The following DDX42 variants were observed in gnomAD, a reference collection of about 807,000 sequenced individuals.
DDX42 encodes the protein ATP-dependent RNA helicase DDX42.
Under a neutral mutation model 101.5 loss-of-function variants are expected in DDX42, and 22 were observed. The ratio of observed to expected loss-of-function variants is 0.22; its 90% confidence interval spans 0.15 to 0.31. The LOEUF (loss-of-function observed/expected upper bound fraction) is 0.31. Ranked by LOEUF, DDX42 falls within the 10% of genes least tolerant of loss-of-function variation. The pLI is 1.00. For synonymous variants in DDX42, 402 were observed against 401.2 expected (o/e 1.00, Z -0.02); for missense variants, 849 against 1,199.9 (o/e 0.71, Z 4.32).
chr17:63,776,066 C>A (rs929958158), intron 1 of DDX42: 4 of 152,268 alleles, frequency 2.6e-5, no homozygotes, highest in African/African-American at 9.6e-5. Context: ...GAGGTACTCT[C>A]AAAGTATATG....
At chr17:63,800,162 G>T in intron 5 of DDX42, 1 of 281,420 alleles carries the variant, frequency 3.6e-6, no homozygotes, top group Non-Finnish European at 6.6e-6. Flanking sequence ...GCCACAGCAT[G>T]TGTTCTATGG....
chr17:63,806,851 G>A (rs577360742), intron 8 of DDX42, among the ~76,000 whole-genome samples, 197 bp downstream of exon 8: 1 of 152,138 alleles, frequency 6.6e-6, no homozygotes, highest in African/African-American at 2.4e-5. Flanking sequence ...TTGAAAATAT[G>A]ATATGAAGAA....
At position 63,798,103 on chromosome 17, in the gene DDX42, A is replaced by G. The variant is rs759526274; in HGVS notation, c.434+4A>G. 17 of 1,613,116 alleles carry G rather than the reference A, an allele frequency of 1.1e-5. No homozygotes were observed. In the South Asian group the frequency reaches 1.6e-4, roughly 16 times the overall value. On this transcript the variant is annotated splice_donor_region_variant and intron_variant, in intron 4 of 17. Coordinates refer to ENST00000389924, the MANE Select transcript of DDX42 (RefSeq NM_203499.3). ...ACAAGGAAAGAAAAAACGTAAAGTA[A>G]GTTGTTTTCTTCTCCCTCACAAAGG...
chr17:63,791,748 TC>T (rs1265997365), intron 2 of DDX42, among the ~76,000 whole-genome samples: 1 of 152,206 alleles, frequency 6.6e-6, no homozygotes, highest in East Asian at 1.9e-4. Context: ...TTCTAATGTT[TC>T]AGTAAGTTTC....
chr17:63,817,592 G>T, intron 17 of DDX42, 102 bp from the exon 18 acceptor site: 1 of 1,147,668 alleles, frequency 8.7e-7, no homozygotes, highest in Non-Finnish European at 1.2e-6. Flanking sequence ...ACAGTGCCAG[G>T]ATAGCACAGA....
At position 63,816,901 on chromosome 17, in the gene DDX42, G is replaced by A. The variant is rs751605321; in HGVS notation, c.2047G>A (p.Glu683Lys). 5.0e-6 allele frequency: 8 copies of A among 1,613,688 alleles called. No individual in the cohort carries two copies. The highest frequency in any genetic ancestry group is 6.8e-6 in the Non-Finnish European group (8 of 1,179,870). ...RGNNNVMSNY[E>K]AYKPSTGAMG... ...AAATAACAATGTAATGAGCAATTAT[G>A]AGGCCTACAAGCCTTCCACAGGAGC... The change falls in exon 17 of 18, where the codon GAG becomes AAG. Residue 683 changes from glutamate (E) to lysine (K), a missense_variant. Glu to Lys is a moderately conservative substitution (Grantham distance 56). Transcript: ENST00000389924.
chr17:63,814,984 G>A (rs138549535), intron 15 of DDX42, among the ~76,000 whole-genome samples: 1 of 152,122 alleles, frequency 6.6e-6, no homozygotes, highest in East Asian at 1.9e-4. Context: ...CCACCGCCCT[G>A]CATTCTTAAG....
Position 63,818,880 on chromosome 17 carries a change from AG to A in DDX42, c.*485del, listed in dbSNP as rs1347709975. 1 of 157,456 alleles carries A rather than the reference AG, an allele frequency of 6.4e-6. No individual in the cohort carries two copies. Among genetic ancestry groups the A allele is most frequent in the Non-Finnish European group, 1.4e-5 (1 of 70,736 alleles). The allele number at this position is 157,456 out of a possible 1,614,324, so 9.8% of individuals were successfully genotyped here. On this transcript the variant is annotated 3_prime_UTR_variant, in exon 18 of 18. Transcript: ENST00000389924. ...CAATTTGGTAGTTGTAGACATTTGC[AG>A]GGAAGGGAGATGTCTGATTCTAAAT...
intron 2 of DDX42, 50 bp from the exon 3 acceptor site, chr17:63,792,362 C>T: frequency 6.4e-7 from 1 of 1,570,844 alleles, no homozygotes; most frequent in Non-Finnish European, 8.7e-7. Flanking sequence ...GAAAGATTTA[C>T]TGACCCCAAA....
intron 1 of DDX42, among the ~76,000 whole-genome samples, chr17:63,780,860 G>T (rs528390425): frequency 2.6e-5 from 4 of 152,170 alleles, no homozygotes; most frequent in Admixed American, 6.5e-5. Context: ...AGCTTTGGGG[G>T]AAGAGTGAGT....
At chr17:63,780,140 T>C (rs1485861002) in intron 1 of DDX42, among the ~76,000 whole-genome samples, 1 of 152,006 alleles carries the variant, frequency 6.6e-6, no homozygotes. Flanking sequence ...CTCCTAAAAA[T>C]ACAAAATTAG....
intron 1 of DDX42, among the ~76,000 whole-genome samples, chr17:63,779,858 G>A (rs11657120): frequency 0.28 from 42,449 of 151,930 alleles, 6,306 homozygotes; most frequent in Middle Eastern, 0.37. Flanking sequence ...GAATATAGGC[G>A]TAAGCCACTG....
At position 63,787,158 on chromosome 17, in the gene DDX42, A is replaced by G; in HGVS notation, c.109A>G (p.Ser37Gly). The change falls in exon 2 of 18, where the codon AGT (serine) becomes GGT (glycine). Residue 37 changes from serine (S) to glycine (G), a missense_variant. Physicochemically the swap from Ser to Gly is moderately conservative, Grantham distance 56 (BLOSUM62 0). Transcript: ENST00000389924. ...ACCCAAACTCCCACAGCAGTCCCAC[A>G]GTGCCTTTGGGGCAACCAGCTCTTC... ...EEPKLPQQSHSAFGATSSSSG... is the reference protein window; with the variant it reads ...EEPKLPQQSHGAFGATSSSSG... 1 of 1,614,198 alleles carries G rather than the reference A, an allele frequency of 6.2e-7. No homozygotes were observed.
chr17:63,802,118 G>A (rs1424861700), intron 6 of DDX42, among the ~76,000 whole-genome samples: 1 of 152,134 alleles, frequency 6.6e-6, no homozygotes, highest in Non-Finnish European at 1.5e-5. Flanking sequence ...GCCTTAGCAT[G>A]AATCAAGCCA....
chr17:63,817,405 TGG>T, intron 17 of DDX42: 1 of 344,274 alleles, frequency 2.9e-6, no homozygotes, highest in Non-Finnish European at 5.3e-6. Context: ...CAGAACTTTT[TGG>T]TTTTGAATGC....
intron 6 of DDX42, among the ~76,000 whole-genome samples, chr17:63,801,674 C>T (rs898847284): frequency 6.6e-6 from 1 of 152,064 alleles, no homozygotes; most frequent in Non-Finnish European, 1.5e-5. Flanking sequence ...AGGCTGGTCT[C>T]GAACTCCTGA....
chr17:63,805,261 G>A (rs1379105307), intron 7 of DDX42, 86 bp downstream of exon 7: 61 of 1,481,546 alleles, frequency 4.1e-5, no homozygotes, highest in Non-Finnish European at 5.0e-5. Context: ...TAATAACCTT[G>A]AATTTCTTTT....
At position 63,787,258 on chromosome 17, in the gene DDX42, A is replaced by T. The variant is rs1322781083; in HGVS notation, c.209A>T (p.Asp70Val). ...ATTGGATCTAAGCGGGCCAACTTTG[A>T]TGAAGAAAATGCGTAAGTGGTAATT... The part of the protein sequence containing the change: ...YKIGSKRANF[D>V]EENAYFEDEE... Residue 70 changes from aspartate to valine, a missense_variant, in exon 2 of 18, where the codon GAT becomes GTT. Physicochemically the swap from Asp to Val is radical, Grantham distance 152. Transcript: ENST00000389924. 6.2e-7 allele frequency: 1 copy of T among 1,614,068 alleles called. No homozygotes were observed. Among genetic ancestry groups the T allele is most frequent in the Admixed American group, 1.7e-5 (1 of 59,988 alleles).
At chr17:63,800,781 C>G (rs1214883069) in intron 6 of DDX42, among the ~76,000 whole-genome samples, 164 bp downstream of exon 6, 1 of 152,182 alleles carries the variant, frequency 6.6e-6, no homozygotes, top group Non-Finnish European at 1.5e-5. Context: ...GGCTTTATAG[C>G]CTGTTTTGTT....
Sources: allele counts gnomAD v4.1 joint callset (sites outside exome capture counted in the v4.1 genomes callset), GRCh38; gene constraint gnomAD v4.1.1; transcripts MANE v1.5; gene names NCBI Gene and HGNC (gene_info 2026-07-23, HGNC 2026-07-21).